The following PCDHA4 variants were observed in gnomAD, a reference collection of about 807,000 sequenced individuals.
PCDHA4 encodes protocadherin alpha 4, also known as protocadherin alpha-4.
A neutral mutation model predicts 61.4 loss-of-function variants in PCDHA4; 49 were observed. The ratio of observed to expected loss-of-function variants is 0.80; its 90% confidence interval spans 0.63 to 1.01. The LOEUF is 1.01. PCDHA4 is among the 50% of genes least tolerant of loss of function. The probability of loss-of-function intolerance (pLI) is 0.00; values close to 1 mark genes in which losing one functional copy is unlikely to be tolerated. For synonymous variants in PCDHA4, 590 were observed against 550.3 expected (o/e 1.07, Z -1.01); for missense variants, 1,254 against 1,235.8 (o/e 1.01, Z -0.22).
chr5:140,878,351 A>C (rs2057557275), intron 1 of PCDHA4, among the ~76,000 whole-genome samples: 1 of 152,248 alleles, frequency 6.6e-6, no homozygotes, highest in South Asian at 2.1e-4. Flanking sequence ...ACAATAATAT[A>C]AATGATATGT....
intron 1 of PCDHA4, among the ~76,000 whole-genome samples, chr5:140,922,582 G>T (rs548638056): frequency 6.6e-5 from 10 of 152,160 alleles, no homozygotes; most frequent in Non-Finnish European, 1.5e-4. Flanking sequence ...CCCTGTAGCC[G>T]CCAGTTCTCA....
At chr5:140,940,159 C>CT (rs1401623923) in intron 1 of PCDHA4, among the ~76,000 whole-genome samples, 1 of 151,978 alleles carries the variant, frequency 6.6e-6, no homozygotes, top group East Asian at 1.9e-4. Context: ...TTTTGTTTGC[C>CT]TGAAATGTCA....
chr5:140,872,717 T>TA (rs781995084), intron 1 of PCDHA4, among the ~76,000 whole-genome samples: 11 of 152,194 alleles, frequency 7.2e-5, no homozygotes, highest in Non-Finnish European at 1.5e-4. Context: ...ACTAGGTAAA[T>TA]AAAATTATTC....
Position 140,807,458 on chromosome 5 carries a change from G to A in PCDHA4, c.271G>A (p.Asp91Asn), listed in dbSNP as rs1763938347. ...CATTTTGTTTGTGAATTCTCGGATCGACCGGGAGGAGCTGTGCCGGCGGAG... is the reference window on the plus strand; with the variant it reads ...CATTTTGTTTGTGAATTCTCGGATCAACCGGGAGGAGCTGTGCCGGCGGAG... ...NGILFVNSRIDREELCRRSAE... is the reference protein window; with the variant it reads ...NGILFVNSRINREELCRRSAE... The change falls in exon 1 of 4, where the codon GAC (aspartate) becomes AAC (asparagine). Residue 91 changes from aspartate to asparagine, a missense_variant. By Grantham distance (23) the Asp-to-Asn change is conservative (BLOSUM62 1). Transcript: ENST00000530339. The A allele has an allele frequency of 6.2e-7, 1 of 1,608,234 alleles. No individual in the cohort carries two copies.
intron 3 of PCDHA4, among the ~76,000 whole-genome samples, chr5:141,002,176 G>C (rs1554258553): frequency 6.6e-6 from 1 of 152,242 alleles, no homozygotes; most frequent in Non-Finnish European, 1.5e-5. Context: ...GCAGGCTCCA[G>C]AGTGCTGTCT....
At chr5:140,926,139 C>A (rs1434952263) in intron 1 of PCDHA4, among the ~76,000 whole-genome samples, 11 of 152,088 alleles carry the variant, frequency 7.2e-5, no homozygotes, top group Non-Finnish European at 1.5e-4. Flanking sequence ...GCAGCAGGAT[C>A]CAGCGCGGAA....
At chr5:140,946,295 C>T (rs543000779) in intron 1 of PCDHA4, among the ~76,000 whole-genome samples, 2 of 151,940 alleles carry the variant, frequency 1.3e-5, no homozygotes, top group South Asian at 4.1e-4. Context: ...TCACCTCACA[C>T]CTGGTAGAAT....
chr5:140,866,542 C>T (rs533433206), intron 1 of PCDHA4: 19 of 152,230 alleles, frequency 1.2e-4, no homozygotes, highest in African/African-American at 3.4e-4. Context: ...ATTAGCATCA[C>T]GGAATAAATC....
At chr5:141,006,382 T>A (rs2098271166) in intron 3 of PCDHA4, among the ~76,000 whole-genome samples, 1 of 151,910 alleles carries the variant, frequency 6.6e-6, no homozygotes, top group African/African-American at 2.4e-5. Context: ...CGGCTAAGTT[T>A]TTTCTATTTT....
At position 140,807,166 on chromosome 5, in the gene PCDHA4, A is replaced by T. The variant is rs782160666; in HGVS notation, c.-22A>T. 1 of 1,604,904 alleles carries T rather than the reference A, an allele frequency of 6.2e-7. No individual in the cohort carries two copies. Among genetic ancestry groups the T allele is most frequent in the Non-Finnish European group, 8.5e-7 (1 of 1,175,610 alleles). ...ACTTTGAGAAACGATATTTAATCAGAACAAAATACTGTGCACTAAAGATGG... is the reference window on the plus strand; with the variant it reads ...ACTTTGAGAAACGATATTTAATCAGTACAAAATACTGTGCACTAAAGATGG... On this transcript the variant is annotated 5_prime_UTR_variant, in exon 1 of 4. Coordinates refer to ENST00000530339, the MANE Select transcript of PCDHA4 (RefSeq NM_018907.4).
chr5:140,813,444 G>A (rs1765295965), intron 1 of PCDHA4: 1 of 152,196 alleles, frequency 6.6e-6, no homozygotes, highest in South Asian at 2.1e-4. Context: ...ATAGGGAATT[G>A]TAACACAATG....
At chr5:140,858,455 AT>A in intron 1 of PCDHA4, 2 of 1,529,258 alleles carry the variant, frequency 1.3e-6, no homozygotes, top group Non-Finnish European at 1.8e-6. Context: ...TTACGTTTTC[AT>A]TTTCCTTTTG....
intron 1 of PCDHA4, among the ~76,000 whole-genome samples, chr5:140,961,052 G>A (rs942442138): frequency 7.9e-5 from 12 of 152,272 alleles, no homozygotes; most frequent in African/African-American, 2.9e-4. Flanking sequence ...TTAACAAAAT[G>A]TTGAATGGGA....
chr5:140,884,271 C>T, intron 1 of PCDHA4: 1 of 1,613,540 alleles, frequency 6.2e-7, no homozygotes, highest in Non-Finnish European at 8.5e-7. Flanking sequence ...GTGCTGTTGT[C>T]GCTGGTGGAG....
Position 140,946,631 on chromosome 5 carries a change from T to TATATACAC in PCDHA4, c.2386-32317_2386-32316insTATACACA, listed in dbSNP as rs57893927. Among the ~76,000 whole-genome samples, 48 of 131,820 alleles carry TATATACAC rather than the reference T, an allele frequency of 3.6e-4. 1 individual carries two copies. Among genetic ancestry groups the TATATACAC allele is most frequent in the South Asian group, 8.9e-4 (4 of 4,516 alleles). The allele number at this position is 131,820 out of a possible 152,430, so 86.5% of individuals were successfully genotyped here. A position where few individuals can be genotyped will look rare whatever the true frequency, so the allele number is the denominator to read the frequency against. ...TGTGAAATATATATATATATATATA[T>TATATACAC]ACAATGGAATACTCATCAGCCATTA... is the stretch of plus-strand genomic sequence containing the variant. On this transcript the variant is annotated intron_variant, in intron 1 of 3. Coordinates refer to ENST00000530339, the MANE Select transcript of PCDHA4 (RefSeq NM_018907.4).
At chr5:140,882,392 G>C (rs781850899) in intron 1 of PCDHA4, 4 of 1,614,178 alleles carry the variant, frequency 2.5e-6, no homozygotes, top group South Asian at 1.1e-5. Flanking sequence ...AGCAAAACAC[G>C]GCACCTTCGT....
chr5:140,937,199 G>A (rs2091405017), intron 1 of PCDHA4, among the ~76,000 whole-genome samples: 2 of 151,792 alleles, frequency 1.3e-5, no homozygotes, highest in Admixed American at 6.6e-5. Context: ...CACCATGCCC[G>A]GCTAATTTTT....
At chr5:140,926,538 G>T (rs155362) in intron 1 of PCDHA4, 176,859 of 210,462 alleles carry the variant, frequency 0.84, 75,003 homozygotes, top group African/African-American at 0.96. Context: ...CAGCCAGCGT[G>T]GTGGTCGAGA....
rs183652630 is a variant in PCDHA4 at position 140,854,028 on chromosome 5, G to A, written c.2385+44456G>A. 2.2e-3 allele frequency: 685 copies of A among 307,422 alleles called. 24 individuals are homozygous for A. The highest frequency in any genetic ancestry group is 3.0e-3 in the Non-Finnish European group (614 of 202,590). 19.0% of individuals were successfully genotyped at this position (307,422 alleles called of 1,614,324 possible). A position where few individuals can be genotyped will look rare whatever the true frequency, so the allele number is the denominator to read the frequency against. On this transcript the variant is annotated intron_variant, in intron 1 of 3. Transcript: ENST00000530339. ...AAAAAAAAAATTAGCCGGGCATGGTGGCACACATCTCTAGTCCCAATTACT... is the reference window on the plus strand; with the variant it reads ...AAAAAAAAAATTAGCCGGGCATGGTAGCACACATCTCTAGTCCCAATTACT...
Sources: gnomAD v4.1 joint callset for allele counts (sites outside exome capture counted in the v4.1 genomes callset) on GRCh38, gnomAD v4.1.1 for gene constraint, MANE v1.5 for transcripts, NCBI Gene and HGNC (gene_info 2026-07-23, HGNC 2026-07-21) for gene names.